PTPRN2: variants seen among roughly 807,000 people sequenced by gnomAD.
PTPRN2 encodes the protein protein tyrosine phosphatase receptor type N2.
Under a neutral mutation model 118.8 loss-of-function variants are expected in PTPRN2, and 74 were observed. The ratio of observed to expected loss-of-function variants is 0.62; its 90% CI spans 0.52 to 0.76. The LOEUF is 0.76. Ranked by LOEUF, PTPRN2 falls within the 30% of genes least tolerant of loss-of-function variation. The pLI, the probability that PTPRN2 is intolerant of heterozygous loss-of-function variation, is 0.00. For missense variants in PTPRN2, 1,481 were observed against 1,394.4 expected, an observed-to-expected ratio of 1.06 and a Z score of -0.99; for synonymous variants, 641 against 608.0, an observed-to-expected ratio of 1.05 and a Z score of -0.80.
At chr7:158,189,346 C>T (rs1453439924) in intron 5 of PTPRN2, among the ~76,000 whole-genome samples, 1 of 152,204 alleles carries the variant, frequency 6.6e-6, no homozygotes, top group Non-Finnish European at 1.5e-5. Flanking sequence ...AATAAAATAA[C>T]TGAAACCGAA....
chr7:157,725,578 C>T (rs1427168441), intron 12 of PTPRN2, among the ~76,000 whole-genome samples: 3 of 140,754 alleles, frequency 2.1e-5, no homozygotes, highest in Non-Finnish European at 3.1e-5. Flanking sequence ...TGAGCCAGAC[C>T]CTCGCCTCCC....
In PTPRN2 at chr7:157,869,140, A is replaced by G. The variant is rs1372962280; in HGVS notation, c.1788+29533T>C. ...GACAAGATGTTTTCTTTATTAAAAT[A>G]TCAAGGTCTTTCTACAAATCTTTCC... On this transcript the variant is annotated intron_variant, in intron 12 of 22. Transcript: ENST00000389418. The surrounding 1 kb of genome is among the most constrained non-coding windows in gnomAD (Gnocchi z 4.2). 2.6e-5 allele frequency: 4 copies of G among 152,220 alleles called. No homozygotes were observed. The highest frequency in any genetic ancestry group is 9.6e-5 in the African/African-American group (4 of 41,466). The allele number at this position is 152,220 out of a possible 1,614,324, so 9.4% of individuals were successfully genotyped here. A position where few individuals can be genotyped will look rare whatever the true frequency, so the allele number is the denominator to read the frequency against.
intron 2 of PTPRN2, among the ~76,000 whole-genome samples, chr7:158,343,728 C>T (rs540900557): frequency 3.7e-4 from 56 of 151,104 alleles, no homozygotes; most frequent in African/African-American, 1.2e-3. Flanking sequence ...CGTGGGCTGT[C>T]GCGGCTGCTC....
At position 157,929,744 on chromosome 7, in the gene PTPRN2, T is replaced by C. The variant is rs915480441; in HGVS notation, c.1724-31007A>G. Among the ~76,000 whole-genome samples, 1 of 152,190 alleles carries C rather than the reference T, an allele frequency of 6.6e-6. No homozygotes were observed. Among genetic ancestry groups the C allele is most frequent in the African/African-American group, 2.4e-5 (1 of 41,442 alleles). ...CTCACAGGGGTGAGGAGCTCTGTGC[T>C]GCTGTTGAGATGAATGGTGCCAGAA... On this transcript the variant is annotated intron_variant, in intron 11 of 22. Coordinates refer to ENST00000389418, the MANE Select transcript of PTPRN2 (RefSeq NM_002847.5). This position sits in a 1 kb window ranked among gnomAD's most constrained non-coding sequence, Gnocchi z 4.4.
chr7:158,495,726 A>G (rs1468443238), intron 1 of PTPRN2, among the ~76,000 whole-genome samples: 1 of 152,228 alleles, frequency 6.6e-6, no homozygotes, highest in African/African-American at 2.4e-5. Flanking sequence ...TCTAGGAATC[A>G]GCCTGAAAAG....
intron 10 of PTPRN2, among the ~76,000 whole-genome samples, chr7:158,095,486 G>A (rs916805917): frequency 4.6e-5 from 7 of 151,972 alleles, no homozygotes; most frequent in Admixed American, 2.6e-4. Context: ...AGACATTATC[G>A]TCTCTACTCC....
chr7:157,887,128 G>C (rs1432373527), intron 12 of PTPRN2, among the ~76,000 whole-genome samples: 1 of 152,134 alleles, frequency 6.6e-6, no homozygotes, highest in Non-Finnish European at 1.5e-5. Context: ...ACCAGAGAAG[G>C]GGCTGCTCCT....
intron 2 of PTPRN2, among the ~76,000 whole-genome samples, chr7:158,422,130 C>G (rs1254329675): frequency 1.1e-4 from 17 of 152,208 alleles, no homozygotes; most frequent in Admixed American, 1.1e-3. Flanking sequence ...TTGCTAGAAT[C>G]CATTAATTTT....
chr7:158,131,131 C>T (rs1818222145), intron 9 of PTPRN2, among the ~76,000 whole-genome samples: 1 of 83,454 alleles, frequency 1.2e-5, no homozygotes, highest in Non-Finnish European at 2.1e-5. Context: ...CTCATACGCA[C>T]ATACACACAT....
At chr7:158,269,859 C>A (rs571339737) in intron 3 of PTPRN2, among the ~76,000 whole-genome samples, 1 of 151,406 alleles carries the variant, frequency 6.6e-6, no homozygotes, top group South Asian at 2.1e-4. Context: ...GACACAGAGA[C>A]AGAGAGAGAC....
intron 12 of PTPRN2, among the ~76,000 whole-genome samples, chr7:157,782,645 G>C (rs1034344635): frequency 2.6e-5 from 4 of 152,234 alleles, no homozygotes; most frequent in African/African-American, 9.6e-5. Context: ...AGGGGTCCCT[G>C]AAAGAACGAC....
At chr7:158,111,670 C>T (rs753400390) in intron 9 of PTPRN2, among the ~76,000 whole-genome samples, 12 of 152,216 alleles carry the variant, frequency 7.9e-5, no homozygotes, top group Admixed American at 3.3e-4. Flanking sequence ...ATCCAGTGAG[C>T]GTGCAGGATG....
chr7:158,494,417 T>A (rs1821682437), intron 1 of PTPRN2, among the ~76,000 whole-genome samples: 1 of 152,222 alleles, frequency 6.6e-6, no homozygotes, highest in African/African-American at 2.4e-5. Flanking sequence ...TTCTGAAATG[T>A]GTGCTACACT....
At chr7:158,156,700 T>A (rs557568249) in intron 6 of PTPRN2, among the ~76,000 whole-genome samples, 1 of 152,238 alleles carries the variant, frequency 6.6e-6, no homozygotes, top group South Asian at 2.1e-4. Context: ...TGTGACGCAC[T>A]CACCCGTGGG....
intron 11 of PTPRN2, among the ~76,000 whole-genome samples, chr7:157,959,003 C>A (rs1174567600): frequency 6.6e-6 from 1 of 152,152 alleles, no homozygotes; most frequent in Non-Finnish European, 1.5e-5. Flanking sequence ...CTATAGTAAT[C>A]AAAACAGCAT....
intron 1 of PTPRN2, among the ~76,000 whole-genome samples, chr7:158,580,198 T>C (rs1480551645): frequency 2.6e-5 from 4 of 152,234 alleles, no homozygotes; most frequent in African/African-American, 7.2e-5. Context: ...TCAGAGAATG[T>C]ACACATTGTG....
chr7:158,581,039 T>C (rs1828600568), intron 1 of PTPRN2, among the ~76,000 whole-genome samples: 1 of 152,188 alleles, frequency 6.6e-6, no homozygotes, highest in African/African-American at 2.4e-5. Context: ...GTTGAGAAGC[T>C]TCTAAGAGAA....
intron 3 of PTPRN2, among the ~76,000 whole-genome samples, chr7:158,243,819 C>T (rs1796032722): frequency 6.6e-6 from 1 of 152,238 alleles, no homozygotes. Flanking sequence ...TCAGTGTCTA[C>T]TTAGTACTAA....
chr7:157,831,512 C>T lies in PTPRN2; in HGVS notation c.1788+67161G>A, dbSNP rs184663368. Among the ~76,000 whole-genome samples the T allele has an allele frequency of 5.9e-5, 9 of 152,258 alleles. No individual in the cohort carries two copies. The East Asian group carries it at 1.4e-3, about 23-fold the overall frequency. The stretch of plus-strand genomic sequence containing the variant: ...GAGCTGCCCTCCCCATCCCTGTCCA[C>T]GGCCCCTCTCACCCTGCAGTACTGA... On this transcript the variant is annotated intron_variant, in intron 12 of 22. Transcript: ENST00000389418. The surrounding 1 kb of genome is among the most constrained non-coding windows in gnomAD (Gnocchi z 4.8).
Sources: gnomAD v4.1 joint callset for allele counts (sites outside exome capture counted in the v4.1 genomes callset) on GRCh38, gnomAD v4.1.1 for gene constraint, Gnocchi (gnomAD v3.1) non-coding constraint, MANE v1.5 for transcripts, NCBI Gene and HGNC (gene_info 2026-07-23, HGNC 2026-07-21) for gene names.